ENOX1: variants seen among roughly 807,000 people sequenced by gnomAD.
ENOX1 encodes the protein ecto-NOX disulfide-thiol exchanger 1.
Under a neutral mutation model 82.5 loss-of-function variants are expected in ENOX1, and 42 were observed. That is an observed-to-expected ratio of 0.51 (90% CI 0.40 to 0.66). The LOEUF (loss-of-function observed/expected upper bound fraction) is 0.66, where lower values mean the gene tolerates loss of function less well. Ranked by LOEUF, ENOX1 falls within the 30% of genes least tolerant of loss-of-function variation. The pLI is 0.00. For missense variants in ENOX1, 608 were observed against 811.6 expected (o/e 0.75, Z 3.05); for synonymous variants, 271 against 282.2 (o/e 0.96, Z 0.40).
At chr13:43,690,295 G>A (rs117561237) in intron 1 of ENOX1, among the ~76,000 whole-genome samples, 4,482 of 147,288 alleles carry the variant, frequency 0.03, 72 homozygotes, top group Non-Finnish European at 0.041. Context: ...ATTAAAAAAA[G>A]CTGCCCAGGA....
chr13:43,719,327 ACACAC>A lies in ENOX1; in HGVS notation c.-284-51788_-284-51784del, dbSNP rs1443086953. Among the ~76,000 whole-genome samples the A allele has an allele frequency of 6.6e-5, 10 of 151,466 alleles. No homozygotes were observed. In the East Asian group the frequency reaches 1.8e-3, roughly 27 times the overall value. ...TACACACACACACACACACACACAC[ACACAC>A]ACACACACACACACACCAGCAATCG... On this transcript the variant is annotated intron_variant, in intron 1 of 16. Coordinates refer to ENST00000690772, the MANE Select transcript of ENOX1 (RefSeq NM_001347969.2).
chr13:43,671,778 C>T (rs1555356627), intron 1 of ENOX1, among the ~76,000 whole-genome samples: 1 of 152,118 alleles, frequency 6.6e-6, no homozygotes, highest in Non-Finnish European at 1.5e-5. Flanking sequence ...TCAAGGATCC[C>T]TATCTCTCTG....
At chr13:43,563,215 A>G (rs1332953857) in intron 2 of ENOX1, among the ~76,000 whole-genome samples, 1 of 152,206 alleles carries the variant, frequency 6.6e-6, no homozygotes, top group Non-Finnish European at 1.5e-5. Flanking sequence ...GAACAAAACT[A>G]GAAACCAAAC....
At chr13:43,262,841 G>C (rs2044156590) in intron 14 of ENOX1, among the ~76,000 whole-genome samples, 1 of 152,118 alleles carries the variant, frequency 6.6e-6, no homozygotes, top group Admixed American at 6.5e-5. Context: ...CTCTAGGCTT[G>C]GTGTTAATGT....
intron 1 of ENOX1, among the ~76,000 whole-genome samples, chr13:43,774,154 A>G (rs61014958): frequency 0.021 from 3,269 of 152,260 alleles, 129 homozygotes; most frequent in African/African-American, 0.076. Context: ...TTCCACTTAA[A>G]AACTCTCTCT....
chr13:43,740,810 G>A (rs1308055846), intron 1 of ENOX1, among the ~76,000 whole-genome samples: 2 of 152,120 alleles, frequency 1.3e-5, no homozygotes, highest in Admixed American at 6.6e-5. Context: ...GTTGTAGCAC[G>A]TGCCAGTACT....
chr13:43,249,821 G>T lies in ENOX1; in HGVS notation c.1612-13083C>A, dbSNP rs78100880. ...TTTCCTGGCATACTGTGAGATCTTA[G>T]TAAACATTGAATATCTTCCTTCTCT... On this transcript the variant is annotated intron_variant, in intron 14 of 16. Coordinates refer to ENST00000690772, the MANE Select transcript of ENOX1 (RefSeq NM_001347969.2). Among the ~76,000 whole-genome samples, 54 of 152,250 alleles carry T rather than the reference G, an allele frequency of 3.5e-4. 2 individuals are homozygous for T. The East Asian group carries it at 0.01, about 29-fold the overall frequency.
At chr13:43,468,218 C>T (rs980698897) in intron 3 of ENOX1, among the ~76,000 whole-genome samples, 1 of 151,344 alleles carries the variant, frequency 6.6e-6, no homozygotes, top group African/African-American at 2.4e-5. Flanking sequence ...GAGTTTCACT[C>T]TGTCGCCAGC....
At chr13:43,680,594 C>G (rs1054249981) in intron 1 of ENOX1, among the ~76,000 whole-genome samples, 4 of 152,224 alleles carry the variant, frequency 2.6e-5, no homozygotes, top group Non-Finnish European at 5.9e-5. Context: ...TGTAAAACTT[C>G]GGCAAGTTAT....
At chr13:43,774,170 C>A (rs1951795856) in intron 1 of ENOX1, among the ~76,000 whole-genome samples, 1 of 152,136 alleles carries the variant, frequency 6.6e-6, no homozygotes, top group Admixed American at 6.6e-5. Context: ...TCTCTTCATG[C>A]CACAGCACAT....
chr13:43,648,572 G>C (rs963165789), intron 2 of ENOX1, among the ~76,000 whole-genome samples: 1 of 152,194 alleles, frequency 6.6e-6, no homozygotes, highest in African/African-American at 2.4e-5. Context: ...AAAGGTCCAA[G>C]AGAGTTCATA....
At chr13:43,415,232 GTTTTTTTTTTT>G (rs71202260) in intron 3 of ENOX1, among the ~76,000 whole-genome samples, 1 of 54,634 alleles carries the variant, frequency 1.8e-5, no homozygotes, top group Admixed American at 3.1e-4. Context: ...CCAATCCAAT[GTTTTTTTTTTT>G]TTTTTTTTTT....
Position 43,651,680 on chromosome 13 carries a change from T to C in ENOX1, c.-219+15799A>G, listed in dbSNP as rs555783132. On this transcript the variant is annotated intron_variant, in intron 2 of 16. Coordinates refer to ENST00000690772, the MANE Select transcript of ENOX1 (RefSeq NM_001347969.2). ...CCACGACACTCCAGCCTGGGCGACA[T>C]AGCGAGACTCTGTCTAAAAAAAAAA... Among the ~76,000 whole-genome samples, 18 of 59,998 alleles carry C rather than the reference T, an allele frequency of 3.0e-4. No homozygotes were observed. The South Asian group carries it at 7.2e-3, about 24-fold the overall frequency. The allele number at this position is 59,998 out of a possible 152,430, so 39.4% of individuals were successfully genotyped here. A position where few individuals can be genotyped will look rare whatever the true frequency, so the allele number is the denominator to read the frequency against.
intron 5 of ENOX1, among the ~76,000 whole-genome samples, chr13:43,381,289 C>A (rs2052023208): frequency 6.6e-6 from 1 of 151,272 alleles, no homozygotes; most frequent in Non-Finnish European, 1.5e-5. Context: ...AAATAAATAA[C>A]ACATTTCTGA....
chr13:43,575,490 CAGA>C (rs2080381258), intron 2 of ENOX1, among the ~76,000 whole-genome samples: 1 of 152,170 alleles, frequency 6.6e-6, no homozygotes, highest in African/African-American at 2.4e-5. Flanking sequence ...GTAAGTGACA[CAGA>C]AGATTTCCAT....
chr13:43,512,580 G>A (rs1218304649), intron 2 of ENOX1, among the ~76,000 whole-genome samples: 2 of 148,976 alleles, frequency 1.3e-5, no homozygotes, highest in African/African-American at 2.5e-5. Flanking sequence ...AATGTTAGAA[G>A]TACATTTTTA....
At chr13:43,388,289 C>T (rs1189175578) in intron 5 of ENOX1, among the ~76,000 whole-genome samples, 1 of 152,114 alleles carries the variant, frequency 6.6e-6, no homozygotes, top group Non-Finnish European at 1.5e-5. Flanking sequence ...GGGAAAGATA[C>T]CCAACGAGCA....
chr13:43,662,175 C>T (rs548724462), intron 2 of ENOX1, among the ~76,000 whole-genome samples: 88 of 152,140 alleles, frequency 5.8e-4, no homozygotes, highest in Admixed American at 1.8e-3. Flanking sequence ...GTTCATATTA[C>T]TTCTTTAATC....
At chr13:43,739,312 C>T (rs9533604) in intron 1 of ENOX1, among the ~76,000 whole-genome samples, 8,881 of 152,130 alleles carry the variant, frequency 0.058, 365 homozygotes, top group Non-Finnish European at 0.088. Context: ...ATTTGGGAGG[C>T]CAAGTCGGGC....
Sources: gnomAD v4.1 joint callset for allele counts (sites outside exome capture counted in the v4.1 genomes callset) on GRCh38, gnomAD v4.1.1 for gene constraint, MANE v1.5 for transcripts, NCBI Gene and HGNC (gene_info 2026-07-23, HGNC 2026-07-21) for gene names.